Variants in GPR89B observed in about 807,000 individuals in gnomAD.
GPR89B encodes G protein-coupled receptor 89B.
GPR89B carries 25 observed loss-of-function variants against 52.4 expected under a neutral mutation model. That is an observed-to-expected ratio of 0.48 (90% CI 0.35 to 0.67). The LOEUF is 0.67. Ranked by LOEUF, GPR89B falls within the 30% of genes least tolerant of loss-of-function variation. The pLI is 0.01. For missense variants in GPR89B, 146 were observed against 450.2 expected, an observed-to-expected ratio of 0.32 and a Z score of 6.11; for synonymous variants, 52 against 151.2, an observed-to-expected ratio of 0.34 and a Z score of 4.81.
At chr1:147,939,728 T>G (rs1193303337) in intron 3 of GPR89B, among the ~76,000 whole-genome samples, 1 of 152,194 alleles carries the variant, frequency 6.6e-6, no homozygotes, top group Non-Finnish European at 1.5e-5. Flanking sequence ...CCAGACATAG[T>G]GGCTCACGCC....
At chr1:148,008,115 G>A in the GPR89B span, among the ~76,000 whole-genome samples, 1 of 151,970 alleles carries the variant, frequency 6.6e-6, no homozygotes, top group Non-Finnish European at 1.5e-5. Flanking sequence ...GTCAACCTAG[G>A]CAAGGGATCG....
At chr1:147,961,831 A>G (rs1656593588) in intron 7 of GPR89B, among the ~76,000 whole-genome samples, 1 of 152,036 alleles carries the variant, frequency 6.6e-6, no homozygotes, top group African/African-American at 2.4e-5. Flanking sequence ...GATATAAATA[A>G]ACCATGTTAA....
At chr1:147,976,819 G>A (rs1162853436) in intron 10 of GPR89B, among the ~76,000 whole-genome samples, 1 of 151,878 alleles carries the variant, frequency 6.6e-6, no homozygotes, top group Non-Finnish European at 1.5e-5. Flanking sequence ...TCCTTCAGGA[G>A]TTCTTGCAAG....
the GPR89B span, among the ~76,000 whole-genome samples, chr1:148,005,734 G>A: frequency 9.2e-5 from 14 of 152,014 alleles, no homozygotes; most frequent in Non-Finnish European, 1.8e-4. Context: ...GGCTGCCTTC[G>A]ATTGTCTTGC....
At chr1:147,995,731 C>A, downstream of GPR89B, 2 of 1,607,336 alleles carry the variant, frequency 1.2e-6, no homozygotes, top group Admixed American at 3.3e-5. Context: ...CATAGGCCTT[C>A]TTTCCACAGA....
the GPR89B span, among the ~76,000 whole-genome samples, chr1:147,998,706 C>T: frequency 6.6e-6 from 1 of 151,000 alleles, no homozygotes; most frequent in East Asian, 2.0e-4. Flanking sequence ...ATGGTGAAAC[C>T]TCATTCTCTA....
At chr1:147,997,703 GTC>G (rs1234242258), downstream of GPR89B, among the ~76,000 whole-genome samples, 6,635 of 152,090 alleles carry the variant, frequency 0.044, 186 homozygotes, top group African/African-American at 0.072. Context: ...TACTAGATCT[GTC>G]TCTCTGGAGA....
chr1:147,950,577 C>G (rs1655579550), intron 5 of GPR89B, among the ~76,000 whole-genome samples: 1 of 152,208 alleles, frequency 6.6e-6, no homozygotes, highest in Non-Finnish European at 1.5e-5. Context: ...GAGGCCAAGG[C>G]AGGCGGCTGG....
chr1:147,940,576 T>G (rs1654478406), intron 3 of GPR89B, among the ~76,000 whole-genome samples: 2 of 152,244 alleles, frequency 1.3e-5, no homozygotes, highest in South Asian at 4.1e-4. Context: ...CTTTCTTCTG[T>G]AAAGGGCCAG....
chr1:147,994,757 A>T (rs1262089152), downstream of GPR89B, among the ~76,000 whole-genome samples: 2 of 152,116 alleles, frequency 1.3e-5, no homozygotes, highest in East Asian at 3.9e-4. Context: ...AATAGTATTT[A>T]TTAAGCATTC....
At chr1:147,950,422 C>G (rs1430214657) in intron 5 of GPR89B, among the ~76,000 whole-genome samples, 1 of 150,268 alleles carries the variant, frequency 6.7e-6, no homozygotes, top group Non-Finnish European at 1.5e-5. Context: ...GTATGGCGGC[C>G]GGGCAGAGAC....
chr1:147,965,233 C>T (rs1192452919), intron 7 of GPR89B, among the ~76,000 whole-genome samples: 4 of 151,856 alleles, frequency 2.6e-5, no homozygotes, highest in South Asian at 4.2e-4. Context: ...ACATTCTTTC[C>T]TGTTAATATC....
At chr1:148,015,623 TTTTGTTTG>T in the GPR89B span, among the ~76,000 whole-genome samples, 3,378 of 142,388 alleles carry the variant, frequency 0.024, 160 homozygotes, top group African/African-American at 0.055. Flanking sequence ...CTTCTCTCTA[TTTTGTTTG>T]TTTGTTTGTT....
At chr1:148,012,387 C>T in the GPR89B span, among the ~76,000 whole-genome samples, 3 of 151,868 alleles carry the variant, frequency 2.0e-5, no homozygotes, top group African/African-American at 4.9e-5. Flanking sequence ...CGGATTTCCC[C>T]TTTTACTGTT....
chr1:147,932,874 A>G (rs1653765572), intron 1 of GPR89B, among the ~76,000 whole-genome samples: 1 of 152,184 alleles, frequency 6.6e-6, no homozygotes, highest in South Asian at 2.1e-4. Flanking sequence ...TTTAAAAAAA[A>G]GCACAGATTT....
chr1:147,995,588 C>G (rs1220148130), downstream of GPR89B: 1 of 1,607,684 alleles, frequency 6.2e-7, no homozygotes, highest in African/African-American at 1.3e-5. Flanking sequence ...AAATAGGCCC[C>G]CACTCACCCG....
chr1:147,929,975 A>G (rs1447990642), intron 1 of GPR89B, among the ~76,000 whole-genome samples: 1 of 152,248 alleles, frequency 6.6e-6, no homozygotes, highest in Admixed American at 6.5e-5. Context: ...CTTAGTACCA[A>G]TTTAAGAAAA....
At chr1:147,936,758 G>A in intron 2 of GPR89B, 72 bp downstream of exon 2, 3 of 1,229,504 alleles carry the variant, frequency 2.4e-6, no homozygotes, top group Non-Finnish European at 3.6e-6. Flanking sequence ...CTCCATTAAA[G>A]AAACATTATG....
intron 5 of GPR89B, among the ~76,000 whole-genome samples, chr1:147,951,520 C>T (rs1353579674): frequency 9.9e-5 from 15 of 151,702 alleles, no homozygotes; most frequent in South Asian, 2.1e-4. Flanking sequence ...GGTAACTAGA[C>T]GTAAACTCGA....
Sources: gnomAD v4.1 joint callset for allele counts (sites outside exome capture counted in the v4.1 genomes callset) on GRCh38, gnomAD v4.1.1 for gene constraint, MANE v1.5 for transcripts, NCBI Gene and HGNC (gene_info 2026-07-23, HGNC 2026-07-21) for gene names.